Variants in RIMS3 observed in about 807,000 individuals in gnomAD.
RIMS3 encodes the protein regulating synaptic membrane exocytosis protein 3.
A neutral mutation model predicts 29.2 loss-of-function variants in RIMS3; 15 were observed. The ratio of observed to expected loss-of-function variants is 0.51; its 90% confidence interval spans 0.34 to 0.79. The LOEUF is 0.79. Among genes scored for constraint, RIMS3 ranks in the 30% least tolerant of loss-of-function variants. The probability of loss-of-function intolerance (pLI) is 0.01; values close to 1 mark genes in which losing one functional copy is unlikely to be tolerated. For synonymous variants in RIMS3, 161 were observed against 170.1 expected (o/e 0.95, Z 0.41); for missense variants, 342 against 421.4 (o/e 0.81, Z 1.65).
At chr1:40,690,070 C>A in the RIMS3 span, among the ~76,000 whole-genome samples, 4 of 152,124 alleles carry the variant, frequency 2.6e-5, no homozygotes, top group Non-Finnish European at 5.9e-5. Flanking sequence ...TGAGGGCAAC[C>A]CAACTTCCAG....
In RIMS3 at chr1:40,635,875, C is replaced by T. The variant is rs374331441; in HGVS notation, c.359+41G>A. On this transcript the variant is annotated intron_variant, in intron 4 of 7. Transcript: ENST00000372684. This position sits in a 1 kb window ranked among gnomAD's most constrained non-coding sequence, Gnocchi z 4.1. The stretch of plus-strand genomic sequence containing the variant: ...CCCAGTGGCTCTGTGACTGGAGGAC[C>T]GAGGAGGAGGGAGGGGACCACAGCA... 35 of 1,602,456 alleles carry T rather than the reference C, an allele frequency of 2.2e-5. No homozygotes were observed. Among genetic ancestry groups the T allele is most frequent in the African/African-American group, 5.4e-5 (4 of 74,704 alleles).
At chr1:40,646,702 C>T (rs1646598109) in intron 2 of RIMS3, among the ~76,000 whole-genome samples, 1 of 152,086 alleles carries the variant, frequency 6.6e-6, no homozygotes, top group Non-Finnish European at 1.5e-5. Context: ...GCCCAGCTCC[C>T]CAGGAATAAG....
Position 40,640,777 on chromosome 1 carries a change from C to T in RIMS3, c.217+932G>A, listed in dbSNP as rs955344689. On this transcript the variant is annotated intron_variant, in intron 3 of 7. Coordinates refer to ENST00000372684, the MANE Select transcript of RIMS3 (RefSeq NM_014747.3). ...GCAGCTAGGTGTCTGAAAAAGGATACTGTATTGATGAGGATGGAGCTGTTA... is the reference window on the plus strand; with the variant it reads ...GCAGCTAGGTGTCTGAAAAAGGATATTGTATTGATGAGGATGGAGCTGTTA... Among the ~76,000 whole-genome samples the T allele has an allele frequency of 2.6e-5, 4 of 152,130 alleles. No individual in the cohort carries two copies. In the South Asian group the frequency reaches 8.3e-4, roughly 32 times the overall value.
rs185807717 is a variant in RIMS3, at chr1:40,635,736, G to T, written c.359+180C>A. On this transcript the variant is annotated intron_variant, in intron 4 of 7. Coordinates refer to ENST00000372684, the MANE Select transcript of RIMS3 (RefSeq NM_014747.3). This position sits in a 1 kb window ranked among gnomAD's most constrained non-coding sequence, Gnocchi z 4.1. ...TCTGGATATTCCAATGGGAGCAATG[G>T]AAGACCTGAGGTCCAGGCACAGAGT... Among the ~76,000 whole-genome samples, 31 of 152,356 alleles carry T rather than the reference G, an allele frequency of 2.0e-4. No individual in the cohort carries two copies. The highest frequency in any genetic ancestry group is 1.3e-4 in the Non-Finnish European group (9 of 68,030).
the RIMS3 span, chr1:40,691,667 G>T: frequency 2.2e-6 from 1 of 446,954 alleles, no homozygotes; most frequent in Non-Finnish European, 4.5e-6. Context: ...TGGGAGTCCA[G>T]GCGCCAAGGG....
the RIMS3 span, among the ~76,000 whole-genome samples, chr1:40,674,124 C>T: frequency 6.6e-6 from 1 of 152,116 alleles, no homozygotes; most frequent in Non-Finnish European, 1.5e-5. Flanking sequence ...TATTTTCCTG[C>T]CTTTATCTTC....
chr1:40,648,204 A>C lies in RIMS3; in HGVS notation c.-206-362T>G, dbSNP rs557588776. Among the ~76,000 whole-genome samples, 7 of 152,306 alleles carry C rather than the reference A, an allele frequency of 4.6e-5. 1 individual carries two copies. Among genetic ancestry groups the C allele is most frequent in the Middle Eastern group, 3.4e-3 (1 of 294 alleles). Reference sequence around the variant, plus strand: ...TGTCCCTCCCCAGACACTCTGTGACATGCCAAGCAGTTGGGGGACACACTC... The same window carrying C: ...TGTCCCTCCCCAGACACTCTGTGACCTGCCAAGCAGTTGGGGGACACACTC... On this transcript the variant is annotated intron_variant, in intron 1 of 7. Transcript: ENST00000372684.
At chr1:40,633,803 G>A (rs1646504225) in intron 4 of RIMS3, among the ~76,000 whole-genome samples, 1 of 152,190 alleles carries the variant, frequency 6.6e-6, no homozygotes, top group South Asian at 2.1e-4. Flanking sequence ...TTCCACATGG[G>A]TTATATCTTT....
chr1:40,678,485 T>A, the RIMS3 span, among the ~76,000 whole-genome samples: 1 of 152,188 alleles, frequency 6.6e-6, no homozygotes, highest in South Asian at 2.1e-4. Context: ...AGCAAGGACA[T>A]CCTTCCCCGG....
the RIMS3 span, among the ~76,000 whole-genome samples, chr1:40,674,969 G>T: frequency 6.6e-6 from 1 of 152,194 alleles, no homozygotes; most frequent in African/African-American, 2.4e-5. Flanking sequence ...GGAAGAGAAA[G>T]ACATTGTTGT....
chr1:40,678,431 G>A, the RIMS3 span, among the ~76,000 whole-genome samples: 21 of 152,154 alleles, frequency 1.4e-4, no homozygotes, highest in Admixed American at 1.2e-3. Context: ...AAAAAAGGAA[G>A]GTAATAGTCT....
In RIMS3 at chr1:40,654,105, C is replaced by T. The variant is rs937682053; in HGVS notation, c.-206-6263G>A. 3.3e-5 allele frequency among the ~76,000 whole-genome samples: 5 copies of T among 151,836 alleles called. No individual in the cohort carries two copies. The highest frequency in any genetic ancestry group is 5.9e-5 in the Non-Finnish European group (4 of 67,910). On this transcript the variant is annotated intron_variant, in intron 1 of 7. Coordinates refer to ENST00000372684, the MANE Select transcript of RIMS3 (RefSeq NM_014747.3). The surrounding 1 kb of genome is among the most constrained non-coding windows in gnomAD (Gnocchi z 5.3). ...ACCACGGACAGCGGCTGGCGACTCGCTCCCAGTCCCTCCCCCGCCTGCCCT... is the reference window on the plus strand; with the variant it reads ...ACCACGGACAGCGGCTGGCGACTCGTTCCCAGTCCCTCCCCCGCCTGCCCT...
At chr1:40,667,575 T>C (rs1039867932), upstream of RIMS3, among the ~76,000 whole-genome samples, 1 of 152,156 alleles carries the variant, frequency 6.6e-6, no homozygotes, top group African/African-American at 2.4e-5. Context: ...AGTTCTATAT[T>C]GGTTACCAGA....
chr1:40,657,828 G>A (rs1642292886), intron 1 of RIMS3, among the ~76,000 whole-genome samples: 1 of 151,638 alleles, frequency 6.6e-6, no homozygotes, highest in Admixed American at 6.6e-5. Flanking sequence ...GATCATTTGA[G>A]CCTAGGAAGT....
At chr1:40,632,058 T>C (rs1375307022) in intron 5 of RIMS3, among the ~76,000 whole-genome samples, 1 of 152,190 alleles carries the variant, frequency 6.6e-6, no homozygotes, top group Non-Finnish European at 1.5e-5. Context: ...CTTTATTTTA[T>C]TCAGTTTTTG....
chr1:40,630,239 C>T (rs897710629), intron 5 of RIMS3, among the ~76,000 whole-genome samples: 2 of 152,162 alleles, frequency 1.3e-5, no homozygotes, highest in African/African-American at 4.8e-5. Flanking sequence ...GTGTGGACGG[C>T]TGAGAAATCT....
At chr1:40,634,636 G>A (rs541461874) in intron 4 of RIMS3, among the ~76,000 whole-genome samples, 1 of 152,240 alleles carries the variant, frequency 6.6e-6, no homozygotes, top group South Asian at 2.1e-4. Flanking sequence ...CAACCCTCAG[G>A]GTTGCTGTAA....
chr1:40,686,020 G>A, the RIMS3 span, among the ~76,000 whole-genome samples: 1 of 152,040 alleles, frequency 6.6e-6, no homozygotes, highest in Non-Finnish European at 1.5e-5. Flanking sequence ...GTGGTGGTGG[G>A]CACCTGTAAT....
At chr1:40,664,384 T>G (rs1046708018) in intron 1 of RIMS3, among the ~76,000 whole-genome samples, 1 of 152,042 alleles carries the variant, frequency 6.6e-6, no homozygotes, top group Non-Finnish European at 1.5e-5. Context: ...CATTAACCCC[T>G]TGTTGACCAG....
Sources: allele counts gnomAD v4.1 joint callset (sites outside exome capture counted in the v4.1 genomes callset), GRCh38; gene constraint gnomAD v4.1.1; non-coding constraint Gnocchi (gnomAD v3.1); transcripts MANE v1.5; gene names NCBI Gene and HGNC (gene_info 2026-07-23, HGNC 2026-07-21).